ICMT: variants seen among roughly 807,000 people sequenced by gnomAD.
ICMT encodes protein-S-isoprenylcysteine O-methyltransferase.
In ICMT, 10 loss-of-function variants were observed where a neutral mutation model predicts 32.2. That is an observed-to-expected ratio of 0.31 (90% CI 0.19 to 0.53). ICMT has a LOEUF of 0.53. Ranked by LOEUF, ICMT falls within the 20% of genes least tolerant of loss-of-function variation. The probability of loss-of-function intolerance (pLI) is 0.96; values close to 1 mark genes in which losing one functional copy is unlikely to be tolerated. For synonymous variants in ICMT, 183 were observed against 158.2 expected, an observed-to-expected ratio of 1.16 and a Z score of -1.18; for missense variants, 265 against 356.9, an observed-to-expected ratio of 0.74 and a Z score of 2.07.
chr1:6,225,784 T>TG (rs1668637375), intron 4 of ICMT, among the ~76,000 whole-genome samples: 1 of 152,120 alleles, frequency 6.6e-6, no homozygotes, highest in African/African-American at 2.4e-5. Flanking sequence ...CCCCTGAGTC[T>TG]GGGTTTCCAA....
Position 6,221,514 on chromosome 1 carries a change from C to T in ICMT, c.*3566G>A, listed in dbSNP as rs2100954526. The stretch of plus-strand genomic sequence containing the variant: ...AACTAGGGTGGGCAAGCCCAACTAC[C>T]TAAGGCAGGAAGAAAGTGCAGTGAA... On this transcript the variant is annotated 3_prime_UTR_variant, in exon 5 of 5. Coordinates refer to ENST00000343813, the MANE Select transcript of ICMT (RefSeq NM_012405.4). The T allele has an allele frequency of 6.5e-6, 1 of 152,796 alleles. No homozygotes were observed. The highest frequency in any genetic ancestry group is 1.9e-4 in the East Asian group (1 of 5,184). The allele number at this position is 152,796 out of a possible 1,614,324, so 9.5% of individuals were successfully genotyped here. A position where few individuals can be genotyped will look rare whatever the true frequency, so the allele number is the denominator to read the frequency against.
At chr1:6,225,846 G>A (rs1235214441) in intron 4 of ICMT, among the ~76,000 whole-genome samples, 2 of 151,710 alleles carry the variant, frequency 1.3e-5, no homozygotes, top group East Asian at 1.9e-4. Flanking sequence ...CCCTCCCCAC[G>A]CTGTGCCCAC....
chr1:6,230,444 G>A (rs891631797), intron 4 of ICMT, among the ~76,000 whole-genome samples: 3 of 152,072 alleles, frequency 2.0e-5, no homozygotes, highest in East Asian at 1.9e-4. Flanking sequence ...TTAGCCGGAC[G>A]TGGTGGCAAC....
intron 1 of ICMT, among the ~76,000 whole-genome samples, chr1:6,235,322 A>G (rs1416439005): frequency 6.6e-6 from 1 of 152,216 alleles, no homozygotes; most frequent in African/African-American, 2.4e-5. Flanking sequence ...ATTACTATTC[A>G]GGGCTGTAGG....
At chr1:6,230,709 C>T (rs2100965837) in intron 4 of ICMT, among the ~76,000 whole-genome samples, 1 of 150,370 alleles carries the variant, frequency 6.7e-6, no homozygotes, top group East Asian at 2.0e-4. Context: ...CTAACACAGT[C>T]AAACCTCATC....
Position 6,222,465 on chromosome 1 carries a change from A to C in ICMT, c.*2615T>G, listed in dbSNP as rs1668571279. The C allele has an allele frequency of 6.6e-6, 1 of 152,148 alleles. No individual in the cohort carries two copies. Among genetic ancestry groups the C allele is most frequent in the Non-Finnish European group, 1.5e-5 (1 of 68,020 alleles). 9.4% of individuals were successfully genotyped at this position (152,148 alleles called of 1,614,324 possible). On this transcript the variant is annotated 3_prime_UTR_variant, in exon 5 of 5. Transcript: ENST00000343813. ...AAAATGGAGTTCATCTTTTATCCCTAAGTAATTGCTGACTTCTGCTCTGGG... is the reference window on the plus strand; with the variant it reads ...AAAATGGAGTTCATCTTTTATCCCTCAGTAATTGCTGACTTCTGCTCTGGG...
At position 6,221,317 on chromosome 1, in the gene ICMT, C is replaced by T. The variant is rs1064721; in HGVS notation, c.*3763G>A. On this transcript the variant is annotated 3_prime_UTR_variant, in exon 5 of 5. Coordinates refer to ENST00000343813, the MANE Select transcript of ICMT (RefSeq NM_012405.4). ...AAAAAGAAGAGTAGAATAATTACTC[C>T]GTTCAGTTCCTCTCCTTGCAATGGG... The T allele has an allele frequency of 0.08, 12,185 of 152,578 alleles. 817 individuals are homozygous for T. Among genetic ancestry groups the T allele is most frequent in the African/African-American group, 0.18 (7,620 of 41,476 alleles). 9.5% of individuals were successfully genotyped at this position (152,578 alleles called of 1,614,324 possible). A position where few individuals can be genotyped will look rare whatever the true frequency, so the allele number is the denominator to read the frequency against.
intron 4 of ICMT, among the ~76,000 whole-genome samples, chr1:6,229,781 AATAC>A (rs1217492415): frequency 3.9e-5 from 3 of 76,096 alleles, no homozygotes; most frequent in African/African-American, 1.2e-4. Flanking sequence ...AAATAAAAAA[AATAC>A]ACACACACAC....
Position 6,222,045 on chromosome 1 carries a change from C to T in ICMT, c.*3035G>A, listed in dbSNP as rs903144095. On this transcript the variant is annotated 3_prime_UTR_variant, in exon 5 of 5. Transcript: ENST00000343813. ...ACCTGATTCTCCACGGGCCCTGCCA[C>T]TGCTAAATTTATAAAGCTAAAAATA... The T allele has an allele frequency of 3.3e-5, 5 of 152,246 alleles. No homozygotes were observed. The highest frequency in any genetic ancestry group is 1.2e-4 in the African/African-American group (5 of 41,464). 9.4% of individuals were successfully genotyped at this position (152,246 alleles called of 1,614,324 possible). A position where few individuals can be genotyped will look rare whatever the true frequency, so the allele number is the denominator to read the frequency against.
Position 6,221,887 on chromosome 1 carries a change from T to C in ICMT, c.*3193A>G, listed in dbSNP as rs191483881. 6.6e-6 allele frequency: 1 copy of C among 152,226 alleles called. No individual in the cohort carries two copies. The highest frequency in any genetic ancestry group is 1.9e-4 in the East Asian group (1 of 5,200). The allele number at this position is 152,226 out of a possible 1,614,324, so 9.4% of individuals were successfully genotyped here. On this transcript the variant is annotated 3_prime_UTR_variant, in exon 5 of 5. Coordinates refer to ENST00000343813, the MANE Select transcript of ICMT (RefSeq NM_012405.4). ...TTTCCAGGTAGCTTTGTTCTGACAG[T>C]ACCTATTTTCCACTTCAGAATCTCC...
chr1:6,234,865 T>C, intron 2 of ICMT, 21 bp downstream of exon 2: 2 of 1,572,418 alleles, frequency 1.3e-6, no homozygotes, highest in Non-Finnish European at 8.8e-7. Flanking sequence ...TGAAAACCAG[T>C]ATTTCCGAAG....
chr1:6,223,370 T>C lies in ICMT; in HGVS notation c.*1710A>G, dbSNP rs926783504. 5.3e-5 allele frequency: 8 copies of C among 152,220 alleles called. No homozygotes were observed. In the South Asian group the frequency reaches 1.5e-3, roughly 28 times the overall value. The allele number at this position is 152,220 out of a possible 1,614,324, so 9.4% of individuals were successfully genotyped here. ...GATCCACCCGCCTTGGCCTCCCAAA[T>C]TGCTGGGATTACAGGCGTGAGCCAC... On this transcript the variant is annotated 3_prime_UTR_variant, in exon 5 of 5. Transcript: ENST00000343813.
chr1:6,227,798 G>A (rs994393301), intron 4 of ICMT, among the ~76,000 whole-genome samples: 19 of 151,958 alleles, frequency 1.3e-4, no homozygotes, highest in East Asian at 1.9e-4. Flanking sequence ...GGAGCTTGCA[G>A]TGAGCCGAGA....
Position 6,232,003 on chromosome 1 carries a change from T to C in ICMT, c.571A>G (p.Asn191Asp). 6.2e-7 allele frequency: 1 copy of C among 1,614,094 alleles called. No homozygotes were observed. The highest frequency in any genetic ancestry group is 8.5e-7 in the Non-Finnish European group (1 of 1,179,998). Residue 191 changes from asparagine (N) to aspartate (D), a missense_variant, in exon 4 of 5, where the codon AAT (asparagine) becomes GAT (aspartate). Coordinates refer to ENST00000343813, the MANE Select transcript of ICMT (RefSeq NM_012405.4). ...AGSNFNHVVQ[N>D]EKSDTHTLVT... ...AGAGTATGTGTATCTGATTTTTCAT[T>C]CTGTACCACGTGGTTGAAATTGGAG...
intron 4 of ICMT, 69 bp from the exon 5 acceptor site, chr1:6,225,331 T>C (rs1389146262): frequency 1.0e-5 from 15 of 1,435,782 alleles, no homozygotes; most frequent in South Asian, 1.3e-5. Flanking sequence ...GGTAGGCGTC[T>C]GTCTCTAATA....
chr1:6,224,868 T>C lies in ICMT; in HGVS notation c.*212A>G. 1.8e-6 allele frequency: 1 copy of C among 551,952 alleles called. No homozygotes were observed. Among genetic ancestry groups the C allele is most frequent in the South Asian group, 2.6e-5 (1 of 39,010 alleles). 34.2% of individuals were successfully genotyped at this position (551,952 alleles called of 1,614,324 possible). ...TTGCCCCTTACTCGTCTTTCACCCA[T>C]GTTCCGCCTTGATTCGGCATAAGGA... On this transcript the variant is annotated 3_prime_UTR_variant, in exon 5 of 5. Transcript: ENST00000343813.
chr1:6,229,713 A>G (rs1172705907), intron 4 of ICMT, among the ~76,000 whole-genome samples: 1 of 151,838 alleles, frequency 6.6e-6, no homozygotes, highest in East Asian at 1.9e-4. Flanking sequence ...TGATCATGCC[A>G]ATGCACTATA....
At position 6,234,617 on chromosome 1, in the gene ICMT, C is replaced by T. The variant is rs75823722; in HGVS notation, c.284+269G>A. 3,188 of 521,052 alleles carry T rather than the reference C, an allele frequency of 6.1e-3. 90 individuals are homozygous for T. The highest frequency in any genetic ancestry group is 0.057 in the African/African-American group (2,968 of 51,742). The allele number at this position is 521,052 out of a possible 1,614,324, so 32.3% of individuals were successfully genotyped here. ...CTTCCGGGAAGGGCTGCTCAAGTTA[C>T]GGAATGCTGTCACCACAGCTGCGGA... On this transcript the variant is annotated intron_variant, in intron 2 of 4. Coordinates refer to ENST00000343813, the MANE Select transcript of ICMT (RefSeq NM_012405.4).
At chr1:6,226,152 T>C (rs989381158) in intron 4 of ICMT, among the ~76,000 whole-genome samples, 2 of 152,132 alleles carry the variant, frequency 1.3e-5, no homozygotes, top group African/African-American at 4.8e-5. Context: ...TTGCAGTACT[T>C]TGGGAGGCCA....
Sources: allele counts gnomAD v4.1 joint callset (sites outside exome capture counted in the v4.1 genomes callset), GRCh38; gene constraint gnomAD v4.1.1; transcripts MANE v1.5; gene names NCBI Gene and HGNC (gene_info 2026-07-23, HGNC 2026-07-21).